The following SRGAP1 variants were observed in gnomAD, a reference collection of about 807,000 sequenced individuals.
SRGAP1 encodes SLIT-ROBO Rho GTPase activating protein 1.
SRGAP1 carries 43 observed loss-of-function variants against 121.9 expected under a neutral mutation model. The observed-to-expected ratio is 0.35, with a 90% CI of 0.28 to 0.46. The LOEUF (loss-of-function observed/expected upper bound fraction) is 0.46. Ranked by LOEUF, SRGAP1 falls within the 20% of genes least tolerant of loss-of-function variation. SRGAP1 has a pLI of 1.00. For missense variants in SRGAP1, 1,102 were observed against 1,350.9 expected (o/e 0.82, Z 2.89); for synonymous variants, 447 against 485.4 (o/e 0.92, Z 1.04).
At chr12:63,984,205 T>C (rs576835557) in intron 2 of SRGAP1, 63 bp downstream of exon 2, 9 of 960,224 alleles carry the variant, frequency 9.4e-6, no homozygotes, top group Non-Finnish European at 1.3e-5. Context: ...TTGCCACCTT[T>C]GTGGATTTTT....
intron 21 of SRGAP1, 147 bp downstream of exon 21, chr12:64,128,347 A>C: frequency 8.4e-6 from 7 of 833,340 alleles, no homozygotes; most frequent in Non-Finnish European, 1.1e-5. Flanking sequence ...AAACCAGCTC[A>C]TTCTTTAACT....
chr12:64,002,367 T>C (rs542356821), intron 3 of SRGAP1, among the ~76,000 whole-genome samples: 1 of 152,176 alleles, frequency 6.6e-6, no homozygotes, highest in African/African-American at 2.4e-5. Flanking sequence ...GGCAACAACC[T>C]GTTGTTTTAT....
In SRGAP1 at chr12:64,156,389, C is replaced by A. The variant is rs1252682100; in HGVS notation, c.*13717C>A. 6.6e-6 allele frequency: 1 copy of A among 152,114 alleles called. No individual in the cohort carries two copies. Among genetic ancestry groups the A allele is most frequent in the African/African-American group, 2.4e-5 (1 of 41,412 alleles). 9.4% of individuals were successfully genotyped at this position (152,114 alleles called of 1,614,324 possible). On this transcript the variant is annotated 3_prime_UTR_variant, in exon 22 of 22. Transcript: ENST00000355086. ...ATTTACTTATTTGCAATTTTCATAG[C>A]TATATGATATTCTATCCCATTTCCA...
At chr12:64,075,089 G>T (rs1242148224) in intron 8 of SRGAP1, among the ~76,000 whole-genome samples, 1 of 152,146 alleles carries the variant, frequency 6.6e-6, no homozygotes, top group Non-Finnish European at 1.5e-5. Flanking sequence ...AAATATAGAG[G>T]TGTGAAGTAG....
At chr12:64,017,241 A>G (rs181986376) in intron 4 of SRGAP1, among the ~76,000 whole-genome samples, 3 of 152,360 alleles carry the variant, frequency 2.0e-5, no homozygotes, top group Middle Eastern at 3.4e-3. Flanking sequence ...CTGTCTGTCT[A>G]CGTACACATG....
chr12:64,027,798 G>T (rs2034687270), intron 4 of SRGAP1, among the ~76,000 whole-genome samples: 1 of 151,438 alleles, frequency 6.6e-6, no homozygotes, highest in African/African-American at 2.4e-5. Context: ...GAGATGTATT[G>T]AATTAGGGGC....
intron 3 of SRGAP1, among the ~76,000 whole-genome samples, chr12:63,992,121 T>C (rs2033570999): frequency 6.6e-6 from 1 of 152,122 alleles, no homozygotes; most frequent in Non-Finnish European, 1.5e-5. Flanking sequence ...TTTGATATGA[T>C]TGGACCAGGG....
intron 1 of SRGAP1, among the ~76,000 whole-genome samples, chr12:63,848,026 A>ATATATATAT (rs1266035796): frequency 3.4e-4 from 50 of 148,658 alleles, no homozygotes; most frequent in African/African-American, 1.2e-3. Context: ...TATATATATA[A>ATATATATAT]AAGGAGTATC....
rs1280782081 is a variant in SRGAP1, at chr12:64,162,121, A to C, written c.*19449A>C. On this transcript the variant is annotated 3_prime_UTR_variant, in exon 22 of 22. Transcript: ENST00000355086. ...AGTATGGGATGTTCTTTTGGGGCTG[A>C]TAAAATGTTCCAAAATTCATTGTGT... The C allele has an allele frequency of 1.3e-5, 2 of 152,238 alleles. No individual in the cohort carries two copies. The highest frequency in any genetic ancestry group is 2.9e-5 in the Non-Finnish European group (2 of 68,038). 9.4% of individuals were successfully genotyped at this position (152,238 alleles called of 1,614,324 possible).
At chr12:63,930,511 A>G (rs531803373) in intron 1 of SRGAP1, among the ~76,000 whole-genome samples, 2 of 152,324 alleles carry the variant, frequency 1.3e-5, no homozygotes, top group African/African-American at 2.4e-5. Context: ...AATGCAAATT[A>G]TGAGACTCTT....
rs529919749 is a variant in SRGAP1, at chr12:63,946,838, C to T, written c.68-37109C>T. On this transcript the variant is annotated intron_variant, in intron 1 of 21. Transcript: ENST00000355086. ...GATTACAGGCATGAGCCATTATGCC[C>T]GGCTTAGTTTGTATTTTCTAGAATT... Among the ~76,000 whole-genome samples the T allele has an allele frequency of 3.3e-4, 50 of 152,232 alleles. No individual in the cohort carries two copies. The East Asian group carries it at 8.3e-3, about 25-fold the overall frequency.
intron 12 of SRGAP1, among the ~76,000 whole-genome samples, chr12:64,092,752 G>A (rs1291778560): frequency 6.6e-6 from 1 of 152,178 alleles, no homozygotes; most frequent in Non-Finnish European, 1.5e-5. Context: ...TGAAAGCAAT[G>A]AGATATGCAG....
intron 10 of SRGAP1, chr12:64,080,908 T>C (rs887278423): frequency 6.0e-6 from 1 of 166,144 alleles, no homozygotes; most frequent in African/African-American, 2.4e-5. Context: ...TGTCTAATAA[T>C]AGTAACAAAA....
intron 1 of SRGAP1, among the ~76,000 whole-genome samples, chr12:63,851,648 C>T (rs1310145054): frequency 1.3e-5 from 2 of 149,172 alleles, no homozygotes; most frequent in Admixed American, 6.7e-5. Context: ...AGTGCAGTGG[C>T]GGGACTCTCA....
chr12:63,851,117 C>T (rs1321622366), intron 1 of SRGAP1, among the ~76,000 whole-genome samples: 1 of 152,196 alleles, frequency 6.6e-6, no homozygotes, highest in African/African-American at 2.4e-5. Flanking sequence ...GATTGTGCCA[C>T]TGCACTCCAG....
At chr12:64,128,442 T>C (rs1471595918) in intron 21 of SRGAP1, among the ~76,000 whole-genome samples, 1 of 152,058 alleles carries the variant, frequency 6.6e-6, no homozygotes, top group African/African-American at 2.4e-5. Context: ...GACAAAAACG[T>C]AGGACCAGGA....
In SRGAP1 at chr12:64,126,162, G is replaced by C; in HGVS notation, c.2405+5G>C. 6.2e-7 allele frequency: 1 copy of C among 1,608,128 alleles called. No homozygotes were observed. Among genetic ancestry groups the C allele is most frequent in the Non-Finnish European group, 8.5e-7 (1 of 1,175,378 alleles). On this transcript the variant is annotated splice_donor_5th_base_variant and intron_variant, in intron 19 of 21. Coordinates refer to ENST00000355086, the MANE Select transcript of SRGAP1 (RefSeq NM_020762.4). ...GTATATAGTGGTGCAGGATATGTGA[G>C]TAGTCTCAACTTTGATTGCCTGAGT...
At chr12:63,868,270 A>G (rs1405414313) in intron 1 of SRGAP1, among the ~76,000 whole-genome samples, 4 of 150,900 alleles carry the variant, frequency 2.7e-5, no homozygotes. Flanking sequence ...TTTAGTAGAG[A>G]TGGGGTCTCA....
chr12:63,880,121 C>T (rs1347159924), intron 1 of SRGAP1, among the ~76,000 whole-genome samples: 1 of 152,118 alleles, frequency 6.6e-6, no homozygotes, highest in East Asian at 1.9e-4. Context: ...GGGCAGTTCC[C>T]CTGCACACAC....
Sources: allele counts gnomAD v4.1 joint callset (sites outside exome capture counted in the v4.1 genomes callset), GRCh38; gene constraint gnomAD v4.1.1; transcripts MANE v1.5; gene names NCBI Gene and HGNC (gene_info 2026-07-23, HGNC 2026-07-21).